INVS: variants seen among roughly 807,000 people sequenced by gnomAD.
The protein encoded by INVS is inversin.
In INVS, 86 loss-of-function variants were observed where a neutral mutation model predicts 108.8. The ratio of observed to expected loss-of-function variants is 0.79; its 90% CI spans 0.66 to 0.95. The LOEUF is 0.95. Among genes scored for constraint, INVS ranks in the 40% least tolerant of loss-of-function variants. INVS has a pLI of 0.00. For synonymous variants in INVS, 455 were observed against 473.5 expected, an observed-to-expected ratio of 0.96 and a Z score of 0.51; for missense variants, 1,169 against 1,297.4, an observed-to-expected ratio of 0.90 and a Z score of 1.52.
At chr9:100,278,122 A>G (rs1362835294) in intron 12 of INVS, among the ~76,000 whole-genome samples, 1 of 150,572 alleles carries the variant, frequency 6.6e-6, no homozygotes, top group Non-Finnish European at 1.5e-5. Flanking sequence ...CTGTAGTCCC[A>G]GCTACTAGGG....
intron 13 of INVS, among the ~76,000 whole-genome samples, chr9:100,289,825 A>G (rs1001729278): frequency 6.6e-6 from 1 of 152,226 alleles, no homozygotes; most frequent in Non-Finnish European, 1.5e-5. Context: ...AAGCTACTAT[A>G]ACATCCCTGT....
At chr9:100,247,029 C>A (rs34314753) in intron 8 of INVS, among the ~76,000 whole-genome samples, 1 of 151,510 alleles carries the variant, frequency 6.6e-6, no homozygotes. Flanking sequence ...GGTTTAAAAC[C>A]CTGGTTGCTC....
intron 3 of INVS, among the ~76,000 whole-genome samples, chr9:100,173,456 A>T (rs1829610342): frequency 6.6e-6 from 1 of 152,186 alleles, no homozygotes; most frequent in Admixed American, 6.6e-5. Flanking sequence ...GGCTGGGTGC[A>T]GTGGCTCACA....
chr9:100,295,565 A>G (rs1833766955), intron 14 of INVS, among the ~76,000 whole-genome samples: 1 of 152,334 alleles, frequency 6.6e-6, no homozygotes, highest in South Asian at 2.1e-4. Flanking sequence ...CTAAGTGTTC[A>G]GTGCAGGCTG....
intron 2 of INVS, chr9:100,120,598 T>C (rs1419467650): frequency 6.6e-6 from 1 of 152,662 alleles, no homozygotes; most frequent in Non-Finnish European, 1.5e-5. Context: ...GAGTAACAGG[T>C]ATCTCAGTTT....
chr9:100,298,146 A>G (rs1833846128), intron 16 of INVS, 136 bp downstream of exon 16: 4 of 1,550,648 alleles, frequency 2.6e-6, no homozygotes, highest in Non-Finnish European at 3.5e-6. Flanking sequence ...TCATGGGATT[A>G]TTACTGTAGC....
chr9:100,281,388 C>T (rs1405172976), intron 12 of INVS, among the ~76,000 whole-genome samples: 2 of 152,176 alleles, frequency 1.3e-5, no homozygotes, highest in African/African-American at 2.4e-5. Context: ...TGTGGGGTCA[C>T]GTTCAACTCT....
chr9:100,254,492 A>G (rs914007034), intron 10 of INVS, among the ~76,000 whole-genome samples: 2 of 152,168 alleles, frequency 1.3e-5, no homozygotes, highest in South Asian at 4.1e-4. Flanking sequence ...GTCCTTGCCC[A>G]TGCCTATGTC....
intron 12 of INVS, among the ~76,000 whole-genome samples, chr9:100,280,652 C>T (rs1833247265): frequency 6.6e-6 from 1 of 152,014 alleles, no homozygotes; most frequent in South Asian, 2.1e-4. Flanking sequence ...TTTTTCTAAA[C>T]TTTACAAGTA....
At chr9:100,173,706 G>A (rs993871510) in intron 3 of INVS, among the ~76,000 whole-genome samples, 1 of 152,130 alleles carries the variant, frequency 6.6e-6, no homozygotes, top group Non-Finnish European at 1.5e-5. Flanking sequence ...TCCAGCCTGG[G>A]AGACAGAGTG....
intron 12 of INVS, among the ~76,000 whole-genome samples, chr9:100,273,635 T>G (rs1833027899): frequency 6.7e-6 from 1 of 148,294 alleles, no homozygotes; most frequent in South Asian, 2.2e-4. Flanking sequence ...CCTCCCAGGT[T>G]CAAGCAATTC....
chr9:100,230,394 T>C (rs890887457), intron 5 of INVS, among the ~76,000 whole-genome samples: 3 of 152,186 alleles, frequency 2.0e-5, no homozygotes, highest in Non-Finnish European at 2.9e-5. Context: ...TTAAACAATA[T>C]ATTGCTCAGT....
Position 100,264,816 on chromosome 9 carries a change from T to C in INVS, c.1465-6T>C. On this transcript the variant is annotated splice_polypyrimidine_tract_variant and splice_region_variant and intron_variant, in intron 10 of 16. Transcript: ENST00000262457. Reference sequence around the variant, plus strand: ...AGATGTACTTGATTTTTGTTTATGCTTATAGGGAAGAACAGCTTTGCATTG... The same window carrying C: ...AGATGTACTTGATTTTTGTTTATGCCTATAGGGAAGAACAGCTTTGCATTG... 6.2e-7 allele frequency: 1 copy of C among 1,601,624 alleles called. No homozygotes were observed. The highest frequency in any genetic ancestry group is 8.6e-7 in the Non-Finnish European group (1 of 1,168,560).
chr9:100,128,180 G>A (rs1454204773), intron 3 of INVS, among the ~76,000 whole-genome samples: 3 of 152,064 alleles, frequency 2.0e-5, no homozygotes, highest in Non-Finnish European at 4.4e-5. Flanking sequence ...CATGTTAGCT[G>A]TAATCTTTTC....
intron 5 of INVS, among the ~76,000 whole-genome samples, chr9:100,237,345 C>T (rs1283920844): frequency 6.6e-6 from 1 of 152,146 alleles, no homozygotes; most frequent in Non-Finnish European, 1.5e-5. Context: ...CTGGCTTCAG[C>T]CCCCTTTCCA....
At chr9:100,173,956 C>A (rs1588060544) in intron 3 of INVS, among the ~76,000 whole-genome samples, 1 of 152,296 alleles carries the variant, frequency 6.6e-6, no homozygotes, top group East Asian at 1.9e-4. Flanking sequence ...TGGGTTCAGC[C>A]AAGGTATCTG....
chr9:100,131,104 T>A (rs1383033202), intron 3 of INVS, among the ~76,000 whole-genome samples: 1 of 152,122 alleles, frequency 6.6e-6, no homozygotes, highest in Admixed American at 6.6e-5. Flanking sequence ...CACATCTCTA[T>A]TAGAGCCCCA....
chr9:100,149,958 T>C (rs1283208418), intron 3 of INVS, among the ~76,000 whole-genome samples: 3 of 152,194 alleles, frequency 2.0e-5, no homozygotes, highest in African/African-American at 4.8e-5. Flanking sequence ...ATTCTCATCT[T>C]AGTGTTCCTG....
At chr9:100,257,542 G>C (rs1442158360) in intron 10 of INVS, among the ~76,000 whole-genome samples, 1 of 152,192 alleles carries the variant, frequency 6.6e-6, no homozygotes, top group East Asian at 1.9e-4. Flanking sequence ...GTAGTGGCTA[G>C]TACCAGTTGT....
Sources: allele counts gnomAD v4.1 joint callset (sites outside exome capture counted in the v4.1 genomes callset), GRCh38; gene constraint gnomAD v4.1.1; transcripts MANE v1.5; gene names NCBI Gene and HGNC (gene_info 2026-07-23, HGNC 2026-07-21).